The following DLGAP1 variants were observed in gnomAD, a reference collection of about 807,000 sequenced individuals.
DLGAP1 encodes the protein disks large-associated protein 1.
DLGAP1 carries 11 observed loss-of-function variants against 90.8 expected under a neutral mutation model. The observed-to-expected ratio is 0.12, with a 90% CI of 0.08 to 0.20. DLGAP1 has a LOEUF of 0.20. Ranked by LOEUF, DLGAP1 falls within the 10% of genes least tolerant of loss-of-function variation. DLGAP1 has a pLI of 1.00. For synonymous variants in DLGAP1, 558 were observed against 540.7 expected (o/e 1.03, Z -0.44); for missense variants, 1,050 against 1,333.8 (o/e 0.79, Z 3.31).
intron 1 of DLGAP1, among the ~76,000 whole-genome samples, chr18:4,276,644 A>G (rs1281026233): frequency 6.6e-6 from 1 of 152,162 alleles, no homozygotes; most frequent in African/African-American, 2.4e-5. Flanking sequence ...TTGAAAAAAA[A>G]AAAATAAACA....
intron 1 of DLGAP1, among the ~76,000 whole-genome samples, chr18:4,423,359 T>A (rs745913316): frequency 2.9e-4 from 44 of 152,210 alleles, no homozygotes; most frequent in Non-Finnish European, 5.4e-4. Flanking sequence ...ACACAATTAA[T>A]TTAACAACTA....
In DLGAP1 at chr18:4,039,617, G is replaced by C. The variant is rs1231467993; in HGVS notation, c.-158-34416C>G. Among the ~76,000 whole-genome samples the C allele has an allele frequency of 2.0e-5, 3 of 152,138 alleles. No individual in the cohort carries two copies. The East Asian group carries it at 5.8e-4, about 29-fold the overall frequency. ...AGAAAAATGAGAAGAATGTGGTCCT[G>C]CAAGGTATGTTTCATTACTGTATTT... On this transcript the variant is annotated intron_variant, in intron 2 of 12. Transcript: ENST00000315677.
intron 1 of DLGAP1, among the ~76,000 whole-genome samples, chr18:4,369,230 T>C (rs2081857614): frequency 6.6e-6 from 1 of 152,196 alleles, no homozygotes; most frequent in African/African-American, 2.4e-5. Flanking sequence ...TATAAACCCG[T>C]GTGCACATAT....
chr18:3,882,500 C>T (rs1465232846), intron 3 of DLGAP1, among the ~76,000 whole-genome samples: 1 of 146,428 alleles, frequency 6.8e-6, no homozygotes, highest in African/African-American at 2.5e-5. Context: ...ATACTTCAGC[C>T]TGGGTGACAG....
At chr18:4,334,454 A>G (rs1477900072) in intron 1 of DLGAP1, among the ~76,000 whole-genome samples, 2 of 151,898 alleles carry the variant, frequency 1.3e-5, no homozygotes, top group Non-Finnish European at 2.9e-5. Flanking sequence ...GGTACTGCAG[A>G]AGTTATCTCT....
chr18:4,396,015 A>G (rs1406563774), intron 1 of DLGAP1, among the ~76,000 whole-genome samples: 2 of 152,226 alleles, frequency 1.3e-5, no homozygotes, highest in Non-Finnish European at 2.9e-5. Flanking sequence ...AAACATATGA[A>G]GGAGCATCCA....
chr18:3,879,224 G>A lies in DLGAP1; in HGVS notation c.845C>T (p.Thr282Met). Residue 282 changes from threonine to methionine, a missense_variant, in exon 4 of 13, where the codon ACG becomes ATG. By Grantham distance (81) the Thr-to-Met change is moderately conservative. Coordinates refer to ENST00000315677, the MANE Select transcript of DLGAP1 (RefSeq NM_004746.4). The surrounding 1 kb of genome is among the most constrained non-coding windows in gnomAD (Gnocchi z 6.6). Reference protein sequence around the residue: ...PLLKKSAWSSTLTVSRAREVY... With the variant: ...PLLKKSAWSSMLTVSRAREVY... ...CTCCCGGGCCCGGCTCACGGTGAGC[G>A]TGGAGGACCAGGCGCTCTTCTTCAG... is the stretch of plus-strand genomic sequence containing the variant. 3 of 1,587,794 alleles carry A rather than the reference G, an allele frequency of 1.9e-6. No homozygotes were observed. The highest frequency in any genetic ancestry group is 2.2e-5 in the East Asian group (1 of 44,598).
At chr18:4,163,760 GA>G (rs1374191145) in intron 1 of DLGAP1, among the ~76,000 whole-genome samples, 5 of 152,164 alleles carry the variant, frequency 3.3e-5, no homozygotes, top group Non-Finnish European at 7.3e-5. Context: ...GCCATCTCTG[GA>G]AAATGCCGTG....
intron 1 of DLGAP1, among the ~76,000 whole-genome samples, chr18:4,222,891 TA>T (rs1300135911): frequency 6.6e-6 from 1 of 151,902 alleles, no homozygotes; most frequent in Non-Finnish European, 1.5e-5. Flanking sequence ...AGAAAGAAAA[TA>T]AGAGGACATA....
intron 2 of DLGAP1, among the ~76,000 whole-genome samples, chr18:4,053,915 G>C (rs2075174100): frequency 6.6e-6 from 1 of 152,202 alleles, no homozygotes; most frequent in Non-Finnish European, 1.5e-5. Flanking sequence ...TGTTCATGCA[G>C]ATAAACCTTA....
At chr18:4,002,532 A>T (rs988946544) in intron 3 of DLGAP1, among the ~76,000 whole-genome samples, 1 of 91,582 alleles carries the variant, frequency 1.1e-5, no homozygotes, top group Non-Finnish European at 2.6e-5. Context: ...TCTCTTGCTT[A>T]TGATTTTCTT....
At chr18:4,170,260 T>G (rs2077000396) in intron 1 of DLGAP1, among the ~76,000 whole-genome samples, 1 of 152,298 alleles carries the variant, frequency 6.6e-6, no homozygotes, top group Non-Finnish European at 1.5e-5. Flanking sequence ...TTCAAGATTT[T>G]TAGCTTTAGA....
intron 9 of DLGAP1, among the ~76,000 whole-genome samples, chr18:3,550,215 G>A (rs1355971619): frequency 6.6e-6 from 1 of 151,604 alleles, no homozygotes; most frequent in African/African-American, 2.4e-5. Context: ...CCCGGCCAGA[G>A]CCTTTATTTT....
At chr18:3,527,698 C>T (rs1170263560) in intron 10 of DLGAP1, among the ~76,000 whole-genome samples, 1 of 151,942 alleles carries the variant, frequency 6.6e-6, no homozygotes, top group Non-Finnish European at 1.5e-5. Flanking sequence ...TCAAGCAATG[C>T]TCTCACCTCA....
chr18:4,351,414 GTTA>G (rs2081399544), intron 1 of DLGAP1, among the ~76,000 whole-genome samples: 1 of 152,156 alleles, frequency 6.6e-6, no homozygotes, highest in African/African-American at 2.4e-5. Context: ...ATATTTGTAA[GTTA>G]TTAGTAGCTC....
intron 2 of DLGAP1, among the ~76,000 whole-genome samples, chr18:4,091,994 C>T (rs1223052159): frequency 2.6e-5 from 4 of 151,946 alleles, no homozygotes; most frequent in South Asian, 2.1e-4. Flanking sequence ...GTATCTATGT[C>T]TGGAAACGGC....
intron 9 of DLGAP1, among the ~76,000 whole-genome samples, chr18:3,550,442 T>C (rs2053322889): frequency 6.6e-6 from 1 of 152,090 alleles, no homozygotes; most frequent in South Asian, 2.1e-4. Context: ...CTTAGGCTGG[T>C]CTGGAACTCC....
chr18:4,060,529 T>C (rs1598327573), intron 2 of DLGAP1, among the ~76,000 whole-genome samples: 1 of 152,122 alleles, frequency 6.6e-6, no homozygotes, highest in Admixed American at 6.5e-5. Context: ...AGCCCACAAT[T>C]ATTCAGACAA....
At chr18:4,435,986 A>C (rs1029206374) in intron 1 of DLGAP1, among the ~76,000 whole-genome samples, 3 of 152,160 alleles carry the variant, frequency 2.0e-5, no homozygotes, top group African/African-American at 7.2e-5. Flanking sequence ...AGGACAATAG[A>C]CTGCAGGAAA....
Sources: gnomAD v4.1 joint callset for allele counts (sites outside exome capture counted in the v4.1 genomes callset) on GRCh38, gnomAD v4.1.1 for gene constraint, Gnocchi (gnomAD v3.1) non-coding constraint, MANE v1.5 for transcripts, NCBI Gene and HGNC (gene_info 2026-07-23, HGNC 2026-07-21) for gene names.